The following MGAT5 variants were observed in gnomAD, a reference collection of about 807,000 sequenced individuals.
The protein encoded by MGAT5 is alpha-1,6-mannosylglycoprotein 6-beta-N-acetylglucosaminyltransferase A.
A neutral mutation model predicts 94.3 loss-of-function variants in MGAT5; 30 were observed. The observed-to-expected ratio is 0.32, with a 90% confidence interval of 0.24 to 0.43. The LOEUF (loss-of-function observed/expected upper bound fraction) is 0.43, where lower values mean the gene tolerates loss of function less well. Ranked by LOEUF, MGAT5 falls within the 20% of genes least tolerant of loss-of-function variation. The pLI is 1.00. For missense variants in MGAT5, 691 were observed against 905.5 expected, an observed-to-expected ratio of 0.76 and a Z score of 3.04; for synonymous variants, 310 against 322.9, an observed-to-expected ratio of 0.96 and a Z score of 0.43.
At chr2:134,334,690 C>A (rs1046998945) in intron 4 of MGAT5, among the ~76,000 whole-genome samples, 2 of 151,974 alleles carry the variant, frequency 1.3e-5, no homozygotes, top group African/African-American at 4.8e-5. Flanking sequence ...GTGCATAATG[C>A]TACTGAGACC....
intron 7 of MGAT5, among the ~76,000 whole-genome samples, chr2:134,343,512 G>A (rs1216321879): frequency 1.3e-5 from 2 of 152,150 alleles, no homozygotes; most frequent in African/African-American, 4.8e-5. Flanking sequence ...TAGAGCAGTG[G>A]TCTTTAAATA....
At position 134,265,960 on chromosome 2, in the gene MGAT5, G is replaced by T. The variant is rs1354267569; in HGVS notation, c.242-4426G>T. ...TGAGGCTGGTGGATCACAAGGTCAGGAGTTTGAGACCAGCCTGACCAAGAT... is the reference window on the plus strand; with the variant it reads ...TGAGGCTGGTGGATCACAAGGTCAGTAGTTTGAGACCAGCCTGACCAAGAT... On this transcript the variant is annotated intron_variant, in intron 1 of 15. Coordinates refer to ENST00000281923, the MANE Select transcript of MGAT5 (RefSeq NM_002410.5). 5.9e-5 allele frequency among the ~76,000 whole-genome samples: 9 copies of T among 152,050 alleles called. No individual in the cohort carries two copies. The East Asian group carries it at 1.8e-3, about 30-fold the overall frequency.
intron 1 of MGAT5, among the ~76,000 whole-genome samples, chr2:134,241,651 A>C (rs1187852016): frequency 1.3e-5 from 2 of 152,330 alleles, no homozygotes; most frequent in Non-Finnish European, 2.9e-5. Flanking sequence ...AACTTCATAA[A>C]CTTTCAATAC....
intron 15 of MGAT5, 55 bp downstream of exon 15, chr2:134,441,970 G>A: frequency 6.3e-7 from 1 of 1,587,088 alleles, no homozygotes. Context: ...AGCTGGCCTT[G>A]TTGGGTAGTC....
chr2:134,187,633 A>C (rs1573819825), intron 1 of MGAT5, among the ~76,000 whole-genome samples: 1 of 152,184 alleles, frequency 6.6e-6, no homozygotes, highest in African/African-American at 2.4e-5. Flanking sequence ...TCTGGCATGT[A>C]AGTGTCATGA....
chr2:134,291,762 T>A (rs1169484071), intron 2 of MGAT5, among the ~76,000 whole-genome samples: 16 of 152,228 alleles, frequency 1.1e-4, no homozygotes. Context: ...TATTTAAGTG[T>A]GATAACAGCT....
At chr2:134,323,374 T>C (rs12612784) in intron 4 of MGAT5, among the ~76,000 whole-genome samples, 143,495 of 152,130 alleles carry the variant, frequency 0.94, 68,053 homozygotes, top group East Asian at 1. Flanking sequence ...ACAGAATAAC[T>C]CCATTTTATT....
intron 1 of MGAT5, among the ~76,000 whole-genome samples, chr2:134,185,305 C>T (rs989553167): frequency 6.6e-6 from 1 of 152,190 alleles, no homozygotes; most frequent in Non-Finnish European, 1.5e-5. Context: ...GCCTTTCAAT[C>T]CCCTATCTTT....
chr2:134,336,700 AATG>A (rs748419327), intron 5 of MGAT5, among the ~76,000 whole-genome samples: 13 of 152,124 alleles, frequency 8.5e-5, no homozygotes, highest in Non-Finnish European at 1.9e-4. Flanking sequence ...GCCGAATTTA[AATG>A]ATGAGTGAGT....
chr2:134,200,867 T>A (rs947248337), intron 1 of MGAT5, among the ~76,000 whole-genome samples: 1 of 151,800 alleles, frequency 6.6e-6, no homozygotes, highest in African/African-American at 2.4e-5. Flanking sequence ...AAAATAAAAA[T>A]AAAAAAAATT....
intron 11 of MGAT5, among the ~76,000 whole-genome samples, chr2:134,404,156 A>G (rs1683213297): frequency 6.6e-6 from 1 of 152,216 alleles, no homozygotes; most frequent in Non-Finnish European, 1.5e-5. Context: ...AAGGGATGCA[A>G]GTGTGAAGAA....
chr2:134,226,457 G>T (rs1681069647), intron 1 of MGAT5, among the ~76,000 whole-genome samples: 1 of 152,076 alleles, frequency 6.6e-6, no homozygotes, highest in Non-Finnish European at 1.5e-5. Context: ...CTCTCTGCTT[G>T]CTTTTACTGT....
At chr2:134,421,923 T>G (rs1315186705) in intron 12 of MGAT5, among the ~76,000 whole-genome samples, 1 of 151,836 alleles carries the variant, frequency 6.6e-6, no homozygotes, top group Admixed American at 6.6e-5. Context: ...ATCCCGGCAG[T>G]TTGGGAGGCG....
At chr2:134,170,859 T>C (rs1223639217) in intron 1 of MGAT5, among the ~76,000 whole-genome samples, 1 of 150,422 alleles carries the variant, frequency 6.6e-6, no homozygotes, top group African/African-American at 2.5e-5. Context: ...TCTACTCTTT[T>C]TTTTTTTTCT....
intron 1 of MGAT5, among the ~76,000 whole-genome samples, chr2:134,260,635 T>A (rs3791261): frequency 2.0e-5 from 3 of 151,838 alleles, no homozygotes; most frequent in African/African-American, 7.3e-5. Context: ...CACTTTTTTT[T>A]TGTGTCTCTC....
At chr2:134,422,633 A>G (rs1182705004) in intron 12 of MGAT5, among the ~76,000 whole-genome samples, 170 bp from the exon 13 acceptor site, 1 of 152,206 alleles carries the variant, frequency 6.6e-6, no homozygotes, top group African/African-American at 2.4e-5. Context: ...GTACAGAACC[A>G]TCACTGTTTT....
chr2:134,237,149 G>A (rs200013230), intron 1 of MGAT5, among the ~76,000 whole-genome samples: 3 of 87,724 alleles, frequency 3.4e-5, no homozygotes, highest in Non-Finnish European at 8.8e-5. Flanking sequence ...GTGTGTGTGT[G>A]CGCGTGTGTG....
intron 14 of MGAT5, among the ~76,000 whole-genome samples, chr2:134,437,265 C>T (rs1212577074): frequency 6.6e-6 from 1 of 152,228 alleles, no homozygotes; most frequent in Non-Finnish European, 1.5e-5. Flanking sequence ...GCTGGGATTA[C>T]AGGCATGAGC....
At chr2:134,207,543 C>CA (rs963063766) in intron 1 of MGAT5, among the ~76,000 whole-genome samples, 60 of 149,606 alleles carry the variant, frequency 4.0e-4, no homozygotes, top group African/African-American at 1.4e-3. Context: ...TTTCTCAAGG[C>CA]ATGTGGCAAA....
Sources: gnomAD v4.1 joint callset for allele counts (sites outside exome capture counted in the v4.1 genomes callset) on GRCh38, gnomAD v4.1.1 for gene constraint, MANE v1.5 for transcripts, NCBI Gene and HGNC (gene_info 2026-07-23, HGNC 2026-07-21) for gene names.